Variants in HNRNPA3 observed in about 807,000 individuals in gnomAD.
HNRNPA3 encodes the protein heterogeneous nuclear ribonucleoprotein A3, also known as epididymis secretory sperm binding protein.
In HNRNPA3, 3 loss-of-function variants were observed where a neutral mutation model predicts 45.8. That is an observed-to-expected ratio of 0.07 (90% CI 0.03 to 0.17). The LOEUF (loss-of-function observed/expected upper bound fraction) is 0.17, where lower values mean the gene tolerates loss of function less well. Among genes scored for constraint, HNRNPA3 ranks in the 10% least tolerant of loss-of-function variants. The pLI is 1.00. For synonymous variants in HNRNPA3, 170 were observed against 155.6 expected (o/e 1.09, Z -0.69); for missense variants, 183 against 480.3 (o/e 0.38, Z 5.79).
downstream of HNRNPA3, chr2:177,223,273 CA>C (rs900223336): frequency 2.0e-4 from 30 of 151,858 alleles, no homozygotes; most frequent in Admixed American, 3.3e-4. Context: ...GTGAAGCAAA[CA>C]TTTTTTTTTT....
In HNRNPA3 at chr2:177,216,959, T is replaced by C; in HGVS notation, c.820+19T>C. On this transcript the variant is annotated intron_variant, in intron 7 of 10. Coordinates refer to ENST00000392524, the Ensembl canonical transcript of HNRNPA3. ...GGTGATGGTAGGTGGCTTATTTTCATTGATGTTTGATATTTTAACTTTCTT... is the reference window on the plus strand; with the variant it reads ...GGTGATGGTAGGTGGCTTATTTTCACTGATGTTTGATATTTTAACTTTCTT... The C allele has an allele frequency of 6.8e-7, 1 of 1,475,052 alleles. No individual in the cohort carries two copies. Among genetic ancestry groups the C allele is most frequent in the Non-Finnish European group, 9.1e-7 (1 of 1,098,716 alleles). 91.4% of individuals were successfully genotyped at this position (1,475,052 alleles called of 1,614,324 possible).
chr2:177,215,645 C>A (rs1337397472), exon 2 of HNRNPA3: 1 of 1,613,942 alleles, frequency 6.2e-7, no homozygotes, highest in South Asian at 1.1e-5. Context: ...AAATGGGGCA[C>A]ACTCACAGAT....
intron 1 of HNRNPA3, among the ~76,000 whole-genome samples, chr2:177,214,937 C>T (rs1049463896): frequency 1.3e-5 from 2 of 152,308 alleles, no homozygotes; most frequent in South Asian, 2.1e-4. Flanking sequence ...TAAAGGTTCT[C>T]AGACAGTTGT....
At chr2:177,214,202 A>G (rs192698050) in intron 1 of HNRNPA3, among the ~76,000 whole-genome samples, 35 of 152,328 alleles carry the variant, frequency 2.3e-4, no homozygotes, top group Admixed American at 3.9e-4. Flanking sequence ...AAAAATCTCA[A>G]TTTTTGTTTT....
chr2:177,212,897 G>C (rs1359858968), intron 1 of HNRNPA3, 26 bp downstream of exon 1: 2 of 1,395,902 alleles, frequency 1.4e-6, no homozygotes, highest in Non-Finnish European at 1.9e-6. Flanking sequence ...CGGGGGGTTG[G>C]TGGGGAATGG....
At chr2:177,215,410 A>G (rs779544307) in intron 1 of HNRNPA3, 129 bp from the exon 2 acceptor site, 23 of 991,000 alleles carry the variant, frequency 2.3e-5, no homozygotes, top group Non-Finnish European at 3.4e-5. Context: ...CAAAGTTTTA[A>G]CTGGACAAAG....
In HNRNPA3 at chr2:177,217,607, A is replaced by G. The variant is rs531785498; in HGVS notation, c.821-98A>G. ...GCACCACTGTACTTGAGCCCGGGCA[A>G]CAGAGCAAGACCCAGTCTCTTACAC... On this transcript the variant is annotated intron_variant, in intron 7 of 10. Coordinates refer to ENST00000392524, the Ensembl canonical transcript of HNRNPA3. 11 of 1,475,106 alleles carry G rather than the reference A, an allele frequency of 7.5e-6. No homozygotes were observed. The Admixed American group carries it at 1.9e-4, about 25-fold the overall frequency. The allele number at this position is 1,475,106 out of a possible 1,614,324, so 91.4% of individuals were successfully genotyped here. A position where few individuals can be genotyped will look rare whatever the true frequency, so the allele number is the denominator to read the frequency against.
At chr2:177,215,623 G>C (rs1688900180) in exon 2 of HNRNPA3, 1 of 1,613,966 alleles carries the variant, frequency 6.2e-7, no homozygotes, top group Non-Finnish European at 8.5e-7. Context: ...TAGTTTACGA[G>C]AACATTTTGA....
At chr2:177,218,454 T>C (rs1689053879) in intron 8 of HNRNPA3, among the ~76,000 whole-genome samples, 1 of 151,974 alleles carries the variant, frequency 6.6e-6, no homozygotes, top group Admixed American at 6.5e-5. Flanking sequence ...AGTTTATTTA[T>C]TGCCAAAATT....
chr2:177,219,277 G>C, exon 10 of HNRNPA3: 2 of 1,613,688 alleles, frequency 1.2e-6, no homozygotes, highest in East Asian at 2.2e-5. Flanking sequence ...GGAAGTGGTG[G>C]ATATGGTAGC....
intron 3 of HNRNPA3, 41 bp downstream of exon 3, chr2:177,215,937 G>A: frequency 6.3e-7 from 1 of 1,596,444 alleles, no homozygotes; most frequent in Non-Finnish European, 8.5e-7. Context: ...AAATTGTTGT[G>A]AAAGTTTGTT....
chr2:177,223,823 GAT>G (rs1267011365), downstream of HNRNPA3: 7 of 152,180 alleles, frequency 4.6e-5, no homozygotes, highest in African/African-American at 1.4e-4. Context: ...TTTACAGAAA[GAT>G]AACTTTTTCA....
At chr2:177,216,242 T>C in intron 4 of HNRNPA3, 54 bp downstream of exon 4, 3 of 1,257,658 alleles carry the variant, frequency 2.4e-6, no homozygotes, top group South Asian at 1.3e-5. Flanking sequence ...GTTTTTCTGT[T>C]TTGAACTAAA....
chr2:177,220,011 A>G (rs534877907), exon 11 of HNRNPA3: 1 of 152,750 alleles, frequency 6.5e-6, no homozygotes, highest in East Asian at 1.9e-4. Context: ...TGTGGAGAGA[A>G]TAGATAATTT....
intron 1 of HNRNPA3, 105 bp downstream of exon 1, chr2:177,212,976 T>C: frequency 1.4e-6 from 1 of 726,086 alleles, no homozygotes; most frequent in South Asian, 2.1e-5. Flanking sequence ...TCCCGCGCTC[T>C]TGCGTTGAGA....
At position 177,215,803 on chromosome 2, in the gene HNRNPA3, T is replaced by C. The variant is rs145273433; in HGVS notation, c.249T>C (p.Tyr83=). ...CCAGGGGCTTTGGTTTTGTGACTTA[T>C]TCTTGTGTTGAAGAGGTGGATGCAG... Residue 83 remains tyrosine (Y), a synonymous_variant, in exon 3 of 11, where the codon TAT becomes TAC. Coordinates refer to ENST00000392524, the Ensembl canonical transcript of HNRNPA3. The C allele has an allele frequency of 5.1e-4, 829 of 1,611,304 alleles. 7 individuals carry two copies. The African/African-American group carries it at 9.6e-3, about 19-fold the overall frequency.
At chr2:177,219,110 C>T (rs370754746) in exon 9 of HNRNPA3, 5 of 1,613,922 alleles carry the variant, frequency 3.1e-6, no homozygotes, top group African/African-American at 1.3e-5. Context: ...ATTATGGACC[C>T]ATGAAAGGGG....
exon 3 of HNRNPA3, chr2:177,215,828 G>A (rs1688911336): frequency 6.2e-7 from 1 of 1,609,924 alleles, no homozygotes; most frequent in South Asian, 1.1e-5. Context: ...GGTGGATGCA[G>A]CAATGTGTGC....
At chr2:177,214,786 C>T (rs949623162) in intron 1 of HNRNPA3, among the ~76,000 whole-genome samples, 1 of 152,196 alleles carries the variant, frequency 6.6e-6, no homozygotes, top group Non-Finnish European at 1.5e-5. Flanking sequence ...CAGAGCGAGA[C>T]TCAGTCTCAA....
Sources: gnomAD v4.1 joint callset for allele counts (sites outside exome capture counted in the v4.1 genomes callset) on GRCh38, gnomAD v4.1.1 for gene constraint, MANE v1.5 for transcripts, NCBI Gene and HGNC (gene_info 2026-07-23, HGNC 2026-07-21) for gene names.